RALGAPA2: variants seen among roughly 807,000 people sequenced by gnomAD.
The protein encoded by RALGAPA2 is ral GTPase-activating protein subunit alpha-2.
RALGAPA2 carries 139 observed loss-of-function variants against 230.4 expected under a neutral mutation model. The ratio of observed to expected loss-of-function variants is 0.60; its 90% confidence interval spans 0.53 to 0.69. The LOEUF (loss-of-function observed/expected upper bound fraction) is 0.69, where lower values mean the gene tolerates loss of function less well. Ranked by LOEUF, RALGAPA2 falls within the 30% of genes least tolerant of loss-of-function variation. The pLI is 0.00. For synonymous variants in RALGAPA2, 847 were observed against 837.8 expected, an observed-to-expected ratio of 1.01 and a Z score of -0.19; for missense variants, 2,163 against 2,276.0, an observed-to-expected ratio of 0.95 and a Z score of 1.01.
intron 35 of RALGAPA2, among the ~76,000 whole-genome samples, chr20:20,496,004 C>A (rs954324423): frequency 3.9e-5 from 6 of 152,172 alleles, no homozygotes; most frequent in African/African-American, 1.2e-4. Flanking sequence ...GCACCACCTA[C>A]CCGAGGATGC....
At chr20:20,468,666 GTCTT>G (rs1036362361) in intron 37 of RALGAPA2, among the ~76,000 whole-genome samples, 54 of 139,446 alleles carry the variant, frequency 3.9e-4, no homozygotes, top group African/African-American at 1.6e-3. Context: ...TCCTATTCCC[GTCTT>G]TCTTTATCTC....
intron 24 of RALGAPA2, among the ~76,000 whole-genome samples, chr20:20,545,806 C>T (rs967493290): frequency 5.9e-5 from 9 of 152,190 alleles, no homozygotes; most frequent in African/African-American, 2.2e-4. Flanking sequence ...TGGCTCACAC[C>T]TGTAATCCTA....
At chr20:20,480,309 T>C (rs903827318) in intron 36 of RALGAPA2, among the ~76,000 whole-genome samples, 2 of 152,166 alleles carry the variant, frequency 1.3e-5, no homozygotes, top group Non-Finnish European at 2.9e-5. Flanking sequence ...AGAAATACAG[T>C]ATGAGTAAGG....
chr20:20,451,057 T>C (rs2060976493), intron 37 of RALGAPA2, among the ~76,000 whole-genome samples: 1 of 152,182 alleles, frequency 6.6e-6, no homozygotes, highest in Non-Finnish European at 1.5e-5. Flanking sequence ...TCCTCACATA[T>C]GCCAAACGTG....
At position 20,495,129 on chromosome 20, in the gene RALGAPA2, C is replaced by T. The variant is rs781053619; in HGVS notation, c.5355G>A (p.Thr1785=). Residue 1785 remains threonine (T), a synonymous_variant, in exon 36 of 40, where the codon ACG becomes ACA. Transcript: ENST00000202677. ...AATGAAAACGTACCTCAGGTTTCTT[C>T]GTTATCGCGATGAAGAACATGTGAT... ...MKNHMFFIAI[T]KKPEVPFFGP... 84 of 1,604,700 alleles carry T rather than the reference C, an allele frequency of 5.2e-5. No homozygotes were observed. The highest frequency in any genetic ancestry group is 1.8e-4 in the East Asian group (8 of 44,710).
chr20:20,441,415 G>GAAAC (rs1261496928), intron 37 of RALGAPA2, among the ~76,000 whole-genome samples: 3 of 152,204 alleles, frequency 2.0e-5, no homozygotes, highest in Admixed American at 2.0e-4. Flanking sequence ...TAGCCTTGTT[G>GAAAC]AAACAAACAA....
chr20:20,519,150 C>A (rs2062961805), intron 31 of RALGAPA2, among the ~76,000 whole-genome samples: 1 of 152,174 alleles, frequency 6.6e-6, no homozygotes, highest in Non-Finnish European at 1.5e-5. Flanking sequence ...ATTTTAGGAA[C>A]TTGGTCATTA....
chr20:20,533,443 G>A (rs2063418469), intron 26 of RALGAPA2, among the ~76,000 whole-genome samples: 1 of 151,964 alleles, frequency 6.6e-6, no homozygotes, highest in African/African-American at 2.4e-5. Flanking sequence ...TCACTATATA[G>A]GACAATTCTA....
At chr20:20,414,654 A>G (rs1427956196) in intron 37 of RALGAPA2, among the ~76,000 whole-genome samples, 1 of 152,212 alleles carries the variant, frequency 6.6e-6, no homozygotes, top group East Asian at 1.9e-4. Flanking sequence ...TAGAGGAGTA[A>G]TAATGAAGTT....
At chr20:20,571,022 T>G (rs2064613833) in intron 23 of RALGAPA2, among the ~76,000 whole-genome samples, 1 of 152,262 alleles carries the variant, frequency 6.6e-6, no homozygotes, top group African/African-American at 2.4e-5. Flanking sequence ...AAGAAATGTC[T>G]GGACTCATCT....
chr20:20,574,572 A>G (rs1275745059), intron 20 of RALGAPA2, among the ~76,000 whole-genome samples: 1 of 152,194 alleles, frequency 6.6e-6, no homozygotes, highest in Non-Finnish European at 1.5e-5. Flanking sequence ...AGTAAACAGA[A>G]AAGCAGCCAA....
chr20:20,506,412 C>T (rs532529639), intron 33 of RALGAPA2, among the ~76,000 whole-genome samples: 239 of 152,214 alleles, frequency 1.6e-3, no homozygotes, highest in Non-Finnish European at 2.4e-3. Flanking sequence ...AAATTATACC[C>T]TGGAGTAAAG....
chr20:20,628,238 C>A lies in RALGAPA2; in HGVS notation c.1233+1125G>T, dbSNP rs568769761. On this transcript the variant is annotated intron_variant, in intron 10 of 39. Coordinates refer to ENST00000202677, the MANE Select transcript of RALGAPA2 (RefSeq NM_020343.4). The stretch of plus-strand genomic sequence containing the variant: ...CCCAGAAGTGAGAGGGCCAAACATT[C>A]ACTATCTCAAAAACTTGCCTCACCA... Among the ~76,000 whole-genome samples, 86 of 152,184 alleles carry A rather than the reference C, an allele frequency of 5.7e-4. 1 individual carries two copies. Among genetic ancestry groups the A allele is most frequent in the African/African-American group, 2.0e-3 (84 of 41,498 alleles).
chr20:20,511,633 T>G (rs1233933416), intron 32 of RALGAPA2, among the ~76,000 whole-genome samples: 1 of 152,210 alleles, frequency 6.6e-6, no homozygotes, highest in Non-Finnish European at 1.5e-5. Context: ...CCCTTTTCCC[T>G]ACCTCTGTTC....
chr20:20,436,403 G>A (rs183927011), intron 37 of RALGAPA2, among the ~76,000 whole-genome samples: 1 of 152,324 alleles, frequency 6.6e-6, no homozygotes, highest in East Asian at 1.9e-4. Flanking sequence ...ATTTAATAGG[G>A]TAGATCTTTC....
intron 1 of RALGAPA2, among the ~76,000 whole-genome samples, chr20:20,698,273 A>ATTT (rs202132751): frequency 7.0e-6 from 1 of 142,522 alleles, no homozygotes. Context: ...CTTTTAAATG[A>ATTT]TTTTTTTTTT....
intron 2 of RALGAPA2, among the ~76,000 whole-genome samples, chr20:20,677,532 A>G (rs2068371489): frequency 1.3e-5 from 2 of 152,026 alleles, no homozygotes; most frequent in South Asian, 4.2e-4. Context: ...AGGTGAGGCA[A>G]AAGAAGGCAG....
At chr20:20,578,434 CGGGTGTTTAAAATTT>C (rs1453681283) in intron 20 of RALGAPA2, among the ~76,000 whole-genome samples, 1 of 151,994 alleles carries the variant, frequency 6.6e-6, no homozygotes, top group East Asian at 1.9e-4. Flanking sequence ...TAATGCTATA[CGGGTGTTTAAAATTT>C]TTTTATTAAA....
At chr20:20,512,464 T>C (rs1156344363) in intron 32 of RALGAPA2, 49 bp downstream of exon 32, 1 of 1,453,528 alleles carries the variant, frequency 6.9e-7, no homozygotes, top group East Asian at 2.4e-5. Context: ...AAAGAACAAG[T>C]ACATGAAAAT....
Sources: gnomAD v4.1 joint callset for allele counts (sites outside exome capture counted in the v4.1 genomes callset) on GRCh38, gnomAD v4.1.1 for gene constraint, MANE v1.5 for transcripts, NCBI Gene and HGNC (gene_info 2026-07-23, HGNC 2026-07-21) for gene names.